Variants in PRKG1 observed in about 807,000 individuals in gnomAD.
The protein encoded by PRKG1 is protein kinase cGMP-dependent 1.
A neutral mutation model predicts 88.1 loss-of-function variants in PRKG1; 35 were observed. The observed-to-expected ratio is 0.40, with a 90% CI of 0.30 to 0.53. The LOEUF (loss-of-function observed/expected upper bound fraction) is 0.53. PRKG1 is among the 20% of genes least tolerant of loss of function. The pLI is 0.59. For synonymous variants in PRKG1, 303 were observed against 292.5 expected, an observed-to-expected ratio of 1.04 and a Z score of -0.37; for missense variants, 540 against 839.8, an observed-to-expected ratio of 0.64 and a Z score of 4.41.
intron 5 of PRKG1, chr10:51,909,407 G>C (rs545635069): frequency 6.6e-6 from 1 of 151,790 alleles, no homozygotes; most frequent in Admixed American, 6.6e-5. Context: ...ATAAAACCAT[G>C]AATCGATCTT....
intron 3 of PRKG1, among the ~76,000 whole-genome samples, chr10:51,641,841 A>T (rs557316268): frequency 6.6e-6 from 1 of 152,144 alleles, no homozygotes; most frequent in Non-Finnish European, 1.5e-5. Flanking sequence ...CCTCCTTTGG[A>T]ACCCCGTTCT....
intron 9 of PRKG1, among the ~76,000 whole-genome samples, chr10:52,224,836 T>TATATATATATATATATATACAC (rs1457134141): frequency 1.1e-5 from 1 of 89,848 alleles, no homozygotes; most frequent in South Asian, 4.4e-4. Context: ...TATATATATA[T>TATATATATATATATATATACAC]ATACATACAT....
At chr10:51,247,992 G>A (rs1839336566) in intron 2 of PRKG1, among the ~76,000 whole-genome samples, 1 of 151,784 alleles carries the variant, frequency 6.6e-6, no homozygotes, top group Admixed American at 6.6e-5. Flanking sequence ...GAATTACTGT[G>A]TCTGTTAACA....
chr10:51,453,722 C>A (rs1839503468), intron 2 of PRKG1, among the ~76,000 whole-genome samples: 1 of 151,756 alleles, frequency 6.6e-6, no homozygotes, highest in Admixed American at 6.6e-5. Flanking sequence ...TATTTTGTGA[C>A]CTATCCTATG....
intron 1 of PRKG1, among the ~76,000 whole-genome samples, chr10:51,099,659 A>T (rs1276881754): frequency 6.6e-6 from 1 of 152,164 alleles, no homozygotes; most frequent in African/African-American, 2.4e-5. Flanking sequence ...AATAAAGTTA[A>T]TGAGGAAAAC....
chr10:51,505,281 T>G (rs943057517), intron 3 of PRKG1, among the ~76,000 whole-genome samples: 1 of 152,196 alleles, frequency 6.6e-6, no homozygotes, highest in Non-Finnish European at 1.5e-5. Flanking sequence ...GTTTATTGAT[T>G]TGCATATATT....
At chr10:52,082,336 G>A (rs1164993028) in intron 7 of PRKG1, among the ~76,000 whole-genome samples, 1 of 152,056 alleles carries the variant, frequency 6.6e-6, no homozygotes, top group Non-Finnish European at 1.5e-5. Context: ...TCATCTCTGA[G>A]CCTTGGCATA....
Position 51,464,120 on chromosome 10 carries a change from G to GA in PRKG1, c.479-3592dup, listed in dbSNP as rs59267184. 3.9e-4 allele frequency among the ~76,000 whole-genome samples: 57 copies of GA among 148,032 alleles called. 2 individuals carry two copies. The highest frequency in any genetic ancestry group is 3.2e-4 in the African/African-American group (13 of 40,296). On this transcript the variant is annotated intron_variant, in intron 2 of 17. Coordinates refer to ENST00000373980, the MANE Select transcript of PRKG1 (RefSeq NM_006258.4). ...ACCCATCTCTACTAAAATACAAAAA[G>GA]AAAAAAAAAAATTGCCTGGCATGGT...
chr10:51,571,688 C>T (rs1481179544), intron 3 of PRKG1, among the ~76,000 whole-genome samples: 2 of 151,730 alleles, frequency 1.3e-5, no homozygotes, highest in Middle Eastern at 6.4e-3. Flanking sequence ...CTGTTTGACA[C>T]TTAGGGAATA....
intron 4 of PRKG1, among the ~76,000 whole-genome samples, chr10:51,806,386 A>T (rs1221957286): frequency 6.6e-6 from 1 of 152,190 alleles, no homozygotes; most frequent in Admixed American, 6.5e-5. Context: ...CAATCTGTGC[A>T]TACGCACGTG....
intron 3 of PRKG1, among the ~76,000 whole-genome samples, chr10:51,768,740 A>C (rs561133258): frequency 1.3e-5 from 2 of 152,306 alleles, no homozygotes; most frequent in Admixed American, 1.3e-4. Context: ...AGATGGTATG[A>C]GATTTAACTT....
intron 3 of PRKG1, among the ~76,000 whole-genome samples, chr10:51,740,284 C>T (rs1253497848): frequency 6.6e-6 from 1 of 152,202 alleles, no homozygotes; most frequent in Non-Finnish European, 1.5e-5. Context: ...CTGCCCTGGC[C>T]TCCCAAAGTG....
At chr10:51,517,522 G>A (rs942901503) in intron 3 of PRKG1, among the ~76,000 whole-genome samples, 4 of 152,210 alleles carry the variant, frequency 2.6e-5, no homozygotes, top group Non-Finnish European at 5.9e-5. Flanking sequence ...TAATCTGATA[G>A]TGGTGCCATT....
At chr10:51,681,851 C>T (rs1840858668) in intron 3 of PRKG1, among the ~76,000 whole-genome samples, 1 of 151,922 alleles carries the variant, frequency 6.6e-6, no homozygotes, top group South Asian at 2.1e-4. Context: ...TGTTGTGTAC[C>T]ACCTTTGAAA....
intron 4 of PRKG1, among the ~76,000 whole-genome samples, chr10:51,899,402 A>G (rs941862203): frequency 2.0e-5 from 3 of 151,882 alleles, no homozygotes; most frequent in Non-Finnish European, 2.9e-5. Context: ...TTAAGTTTAC[A>G]ATTATACATC....
chr10:50,993,512 C>T (rs1350008173), intron 1 of PRKG1, among the ~76,000 whole-genome samples: 1 of 152,234 alleles, frequency 6.6e-6, no homozygotes, highest in Admixed American at 6.5e-5. Flanking sequence ...TTCCGAGCGG[C>T]TGCCCTGCCC....
chr10:51,431,136 C>G (rs912992817), intron 2 of PRKG1, among the ~76,000 whole-genome samples: 1 of 152,094 alleles, frequency 6.6e-6, no homozygotes, highest in Non-Finnish European at 1.5e-5. Flanking sequence ...GTGAGCTGCT[C>G]CCTGTCAGAT....
intron 3 of PRKG1, among the ~76,000 whole-genome samples, chr10:51,602,439 CT>C (rs1365331481): frequency 6.6e-6 from 1 of 151,504 alleles, no homozygotes; most frequent in Non-Finnish European, 1.5e-5. Flanking sequence ...GGTTTTTTTT[CT>C]TTTTTTCTCT....
chr10:51,154,653 G>A (rs1846161995), intron 2 of PRKG1, among the ~76,000 whole-genome samples: 1 of 151,558 alleles, frequency 6.6e-6, no homozygotes, highest in African/African-American at 2.4e-5. Flanking sequence ...TATATGTTAG[G>A]CATTCAGTTT....
Sources: gnomAD v4.1 joint callset for allele counts (sites outside exome capture counted in the v4.1 genomes callset) on GRCh38, gnomAD v4.1.1 for gene constraint, MANE v1.5 for transcripts, NCBI Gene and HGNC (gene_info 2026-07-23, HGNC 2026-07-21) for gene names.